Variants in RNF144A observed in about 807,000 individuals in gnomAD.
RNF144A encodes the protein ring finger protein 144A, also known as E3 ubiquitin-protein ligase RNF144A.
In RNF144A, 11 loss-of-function variants were observed where a neutral mutation model predicts 38.7. The ratio of observed to expected loss-of-function variants is 0.28; its 90% CI spans 0.18 to 0.47. The LOEUF is 0.47. Among genes scored for constraint, RNF144A ranks in the 20% least tolerant of loss-of-function variants. The pLI is 0.99. For missense variants in RNF144A, 316 were observed against 377.2 expected (o/e 0.84, Z 1.34); for synonymous variants, 149 against 143.9 (o/e 1.04, Z -0.25).
At position 6,990,055 on chromosome 2, in the gene RNF144A, C is replaced by T. The variant is rs545278946; in HGVS notation, c.-11-6861C>T. Among the ~76,000 whole-genome samples, 6 of 152,254 alleles carry T rather than the reference C, an allele frequency of 3.9e-5. No homozygotes were observed. In the South Asian group the frequency reaches 1.0e-3, roughly 26 times the overall value. ...ATATACATTGATCAGCATTCTCTCC[C>T]AGGGTTCATAATTTCCTATGGTAGT... On this transcript the variant is annotated intron_variant, in intron 2 of 8. Transcript: ENST00000320892.
At position 6,958,973 on chromosome 2, in the gene RNF144A, G is replaced by T. The variant is rs1385386143; in HGVS notation, c.-12+17826G>T. Reference sequence around the variant, plus strand: ...AGATCATCTTGCAGGTGCAGCGTGGGCGTCCAGTTACTGCTCTCCGGGGCT... The same window carrying T: ...AGATCATCTTGCAGGTGCAGCGTGGTCGTCCAGTTACTGCTCTCCGGGGCT... On this transcript the variant is annotated intron_variant, in intron 2 of 8. Transcript: ENST00000320892. This position sits in a 1 kb window ranked among gnomAD's most constrained non-coding sequence, Gnocchi z 4.5. Among the ~76,000 whole-genome samples, 1 of 152,136 alleles carries T rather than the reference G, an allele frequency of 6.6e-6. No homozygotes were observed. The highest frequency in any genetic ancestry group is 1.5e-5 in the Non-Finnish European group (1 of 68,012).
intron 2 of RNF144A, among the ~76,000 whole-genome samples, chr2:6,984,883 C>T (rs752622640): frequency 2.6e-5 from 4 of 152,136 alleles, no homozygotes; most frequent in South Asian, 2.1e-4. Flanking sequence ...GGGGTCCACT[C>T]GTGCATCCCA....
At chr2:6,924,978 C>T (rs114350806) in intron 1 of RNF144A, among the ~76,000 whole-genome samples, 110 of 152,172 alleles carry the variant, frequency 7.2e-4, no homozygotes, top group Non-Finnish European at 1.1e-3. Context: ...GGCTCTTTGA[C>T]GGATGGAGAA....
In RNF144A at chr2:6,949,614, G is replaced by T. The variant is rs532163056; in HGVS notation, c.-12+8467G>T. ...ACCGAGCTGAGTCTCTGGTCGAAGA[G>T]ACCATGGAGTGAGGAGGGTGTGGAC... is the stretch of plus-strand genomic sequence containing the variant. On this transcript the variant is annotated intron_variant, in intron 2 of 8. Transcript: ENST00000320892. Among the ~76,000 whole-genome samples the T allele has an allele frequency of 3.3e-5, 5 of 152,278 alleles. No homozygotes were observed. In the South Asian group the frequency reaches 8.3e-4, roughly 25 times the overall value.
At chr2:6,921,304 G>A (rs901281561) in intron 1 of RNF144A, among the ~76,000 whole-genome samples, 1 of 152,220 alleles carries the variant, frequency 6.6e-6, no homozygotes, top group African/African-American at 2.4e-5. Context: ...GCTGGATGCA[G>A]TGTTCCAGAC....
intron 2 of RNF144A, among the ~76,000 whole-genome samples, chr2:6,949,757 C>T (rs1666559762): frequency 6.6e-6 from 1 of 152,166 alleles, no homozygotes; most frequent in Non-Finnish European, 1.5e-5. Flanking sequence ...TGTCTTTGCT[C>T]TTAATCTTAA....
chr2:6,928,651 G>A (rs967197034), intron 1 of RNF144A, among the ~76,000 whole-genome samples: 10 of 152,268 alleles, frequency 6.6e-5, no homozygotes, highest in African/African-American at 1.4e-4. Flanking sequence ...TGGCGACTGC[G>A]CATTCCTCAT....
chr2:6,919,746 A>G (rs545278687), intron 1 of RNF144A, among the ~76,000 whole-genome samples: 86 of 152,180 alleles, frequency 5.7e-4, no homozygotes, highest in Middle Eastern at 3.4e-3. Context: ...TGGGATGGAA[A>G]TTTTCCAGAC....
chr2:7,041,696 T>C lies in RNF144A; in HGVS notation c.*1936T>C. 1 of 985,444 alleles carries C rather than the reference T, an allele frequency of 1.0e-6. No individual in the cohort carries two copies. Among genetic ancestry groups the C allele is most frequent in the South Asian group, 4.7e-5 (1 of 21,286 alleles). 61.0% of individuals were successfully genotyped at this position (985,444 alleles called of 1,614,324 possible). ...TGCCCTTTAACATGCCCAGCACACA[T>C]GGGAGGCCTGTGGCCCTGTGTCCAG... On this transcript the variant is annotated 3_prime_UTR_variant, in exon 9 of 9. Coordinates refer to ENST00000320892, the MANE Select transcript of RNF144A (RefSeq NM_014746.6).
At chr2:6,931,679 A>G (rs1202608003) in intron 1 of RNF144A, among the ~76,000 whole-genome samples, 1 of 152,246 alleles carries the variant, frequency 6.6e-6, no homozygotes, top group East Asian at 1.9e-4. Context: ...TGAAAATGCC[A>G]GTGGCTCTTG....
In RNF144A at chr2:7,041,671, T is replaced by TGCCC; in HGVS notation, c.*1912_*1915dup. 1.0e-6 allele frequency: 1 copy of TGCCC among 985,490 alleles called. No individual in the cohort carries two copies. Among genetic ancestry groups the TGCCC allele is most frequent in the South Asian group, 4.7e-5 (1 of 21,284 alleles). The allele number at this position is 985,490 out of a possible 1,614,324, so 61.0% of individuals were successfully genotyped here. Reference sequence around the variant, plus strand: ...TATGTGGATGCAGCTGTCCAGCCACTGCCCTTTAACATGCCCAGCACACAT... The same window carrying TGCCC: ...TATGTGGATGCAGCTGTCCAGCCACTGCCCGCCCTTTAACATGCCCAGCACACAT... On this transcript the variant is annotated 3_prime_UTR_variant, in exon 9 of 9. Coordinates refer to ENST00000320892, the MANE Select transcript of RNF144A (RefSeq NM_014746.6).
intron 2 of RNF144A, among the ~76,000 whole-genome samples, chr2:6,955,334 G>A (rs1232480083): frequency 5.3e-5 from 8 of 152,140 alleles, no homozygotes; most frequent in Non-Finnish European, 1.0e-4. Context: ...TAGCGCCCCT[G>A]TGACCCCCAT....
downstream of RNF144A, chr2:7,068,433 C>T (rs575999458): frequency 2.6e-6 from 1 of 383,704 alleles, no homozygotes; most frequent in South Asian, 2.0e-5. Flanking sequence ...GTGGGTTGAG[C>T]TTCAGATCCC....
At chr2:6,986,519 G>A (rs1234234731) in intron 2 of RNF144A, among the ~76,000 whole-genome samples, 8 of 152,206 alleles carry the variant, frequency 5.3e-5, no homozygotes, top group Non-Finnish European at 1.2e-4. Flanking sequence ...TGAAGGAACT[G>A]AAGAAACTGC....
rs1673122235 is a variant in RNF144A at position 7,042,720 on chromosome 2, A to G, written c.*2960A>G. 2 of 985,424 alleles carry G rather than the reference A, an allele frequency of 2.0e-6. No homozygotes were observed. Among genetic ancestry groups the G allele is most frequent in the African/African-American group, 1.7e-5 (1 of 57,256 alleles). 61.0% of individuals were successfully genotyped at this position (985,424 alleles called of 1,614,324 possible). On this transcript the variant is annotated 3_prime_UTR_variant, in exon 9 of 9. Transcript: ENST00000320892. Reference sequence around the variant, plus strand: ...AGCACCTTGCAAAGATGCAGTCACCATAGATGTCCACGTAGCAGAGACTGA... The same window carrying G: ...AGCACCTTGCAAAGATGCAGTCACCGTAGATGTCCACGTAGCAGAGACTGA...
intron 7 of RNF144A, among the ~76,000 whole-genome samples, chr2:7,029,731 G>A (rs752539166): frequency 2.0e-5 from 3 of 152,250 alleles, no homozygotes; most frequent in Non-Finnish European, 4.4e-5. Context: ...CACAGCCGGA[G>A]CCAGCAGGAG....
At chr2:6,919,884 T>G (rs1419927568) in intron 1 of RNF144A, among the ~76,000 whole-genome samples, 2 of 152,224 alleles carry the variant, frequency 1.3e-5, no homozygotes, top group African/African-American at 2.4e-5. Context: ...AGGTCATCTG[T>G]GCCATGAGGA....
At chr2:6,979,252 G>C (rs1463127258) in intron 2 of RNF144A, among the ~76,000 whole-genome samples, 3 of 152,212 alleles carry the variant, frequency 2.0e-5, no homozygotes, top group African/African-American at 4.8e-5. Flanking sequence ...TAGGGATCAC[G>C]TGGACTTCCT....
Position 6,928,472 on chromosome 2 carries a change from C to G in RNF144A, c.-212+10850C>G, listed in dbSNP as rs118166337. On this transcript the variant is annotated intron_variant, in intron 1 of 8. Transcript: ENST00000320892. ...CCCAGTGAAGACTGGTTGAGAGAAG[C>G]CTCTCCCATACCTGTCTCTTCTCTG... is the stretch of plus-strand genomic sequence containing the variant. Among the ~76,000 whole-genome samples the G allele has an allele frequency of 4.1e-3, 631 of 152,220 alleles. 12 individuals are homozygous for G. The East Asian group carries it at 0.055, about 13-fold the overall frequency.
Sources: gnomAD v4.1 joint callset for allele counts (sites outside exome capture counted in the v4.1 genomes callset) on GRCh38, gnomAD v4.1.1 for gene constraint, Gnocchi (gnomAD v3.1) non-coding constraint, MANE v1.5 for transcripts, NCBI Gene and HGNC (gene_info 2026-07-23, HGNC 2026-07-21) for gene names.